ENTREP3: variants seen among roughly 807,000 people sequenced by gnomAD.
ENTREP3 encodes endosomal transmembrane epsin interactor 3, also known as protein ENTREP3.
chr1:155,250,080 C>CT, the ENTREP3 span, among the ~76,000 whole-genome samples: 4 of 151,950 alleles, frequency 2.6e-5, no homozygotes, highest in Middle Eastern at 3.2e-3. This position sits in a 1 kb window ranked among gnomAD's most constrained non-coding sequence, Gnocchi z 5.4. Flanking sequence ...AAAAATTCTC[C>CT]TTTTTTAGCT....
At chr1:155,254,731 G>C in the ENTREP3 span, 1 of 1,613,820 alleles carries the variant, frequency 6.2e-7, no homozygotes, top group Non-Finnish European at 8.5e-7. The surrounding 1 kb of genome is among the most constrained non-coding windows in gnomAD (Gnocchi z 4.4). Context: ...TGCTGAAGGT[G>C]ACCACCAGGA....
At chr1:155,251,545 G>C in the ENTREP3 span, 2 of 1,613,962 alleles carry the variant, frequency 1.2e-6, no homozygotes, top group Non-Finnish European at 1.7e-6. Context: ...ATAAGAAGGG[G>C]GGCAATCGGT....
the ENTREP3 span, chr1:155,253,882 C>G: frequency 1.2e-6 from 2 of 1,612,912 alleles, no homozygotes; most frequent in Non-Finnish European, 8.5e-7. Flanking sequence ...CGGGCTTCAT[C>G]ACAGGTGGAG....
chr1:155,250,216 G>A, the ENTREP3 span: 2 of 1,438,452 alleles, frequency 1.4e-6, no homozygotes, highest in Non-Finnish European at 1.9e-6. This position sits in a 1 kb window ranked among gnomAD's most constrained non-coding sequence, Gnocchi z 5.4. Flanking sequence ...GGCATCACTG[G>A]CCACCTAACT....
At chr1:155,253,547 G>T in the ENTREP3 span, 3 of 957,198 alleles carry the variant, frequency 3.1e-6, no homozygotes, top group Non-Finnish European at 4.9e-6. Context: ...TGTAGCCATT[G>T]TTCCCTCAGG....
At chr1:155,249,914 C>G in the ENTREP3 span, among the ~76,000 whole-genome samples, 6 of 149,410 alleles carry the variant, frequency 4.0e-5, no homozygotes, top group African/African-American at 1.5e-4. Context: ...AAATATTAGC[C>G]GGTCATGGTG....
the ENTREP3 span, chr1:155,253,999 G>T: frequency 2.0e-5 from 33 of 1,612,436 alleles, no homozygotes; most frequent in South Asian, 3.1e-4. Context: ...CAGGGAGGGT[G>T]AGGCAGCCTG....
chr1:155,248,179 G>A, the ENTREP3 span: 1 of 1,612,024 alleles, frequency 6.2e-7, no homozygotes, highest in Non-Finnish European at 8.5e-7. Context: ...CAGGTGCAGG[G>A]CCCGAGGGCA....
the ENTREP3 span, chr1:155,254,889 G>C: frequency 7.8e-6 from 12 of 1,547,356 alleles, no homozygotes; most frequent in South Asian, 1.2e-5. The surrounding 1 kb of genome is among the most constrained non-coding windows in gnomAD (Gnocchi z 4.4). Context: ...CCTGCTGCCC[G>C]GTTGCCTGCG....
chr1:155,254,748 G>A, the ENTREP3 span: 2 of 1,613,850 alleles, frequency 1.2e-6, no homozygotes, highest in African/African-American at 2.7e-5. The surrounding 1 kb of genome is among the most constrained non-coding windows in gnomAD (Gnocchi z 4.4). Context: ...AGGATGCCCA[G>A]GAGCACTTGG....
At chr1:155,248,436 T>C in the ENTREP3 span, 1 of 1,613,896 alleles carries the variant, frequency 6.2e-7, no homozygotes, top group Non-Finnish European at 8.5e-7. Flanking sequence ...AAGCAGCTTC[T>C]TCCTCAAGCA....
the ENTREP3 span, chr1:155,250,452 CG>C: frequency 9.1e-5 from 134 of 1,477,920 alleles, no homozygotes; most frequent in Non-Finnish European, 1.2e-4. This position sits in a 1 kb window ranked among gnomAD's most constrained non-coding sequence, Gnocchi z 5.4. Flanking sequence ...GCCCCCTCCC[CG>C]GGGGACCCGC....
the ENTREP3 span, chr1:155,250,709 C>T: frequency 6.2e-7 from 1 of 1,612,946 alleles, no homozygotes; most frequent in Non-Finnish European, 8.5e-7. This position sits in a 1 kb window ranked among gnomAD's most constrained non-coding sequence, Gnocchi z 5.4. Context: ...GAACGTAGTC[C>T]ACGGAGCGCA....
chr1:155,254,788 C>G, the ENTREP3 span: 3 of 1,613,558 alleles, frequency 1.9e-6, no homozygotes, highest in Admixed American at 3.3e-5. The surrounding 1 kb of genome is among the most constrained non-coding windows in gnomAD (Gnocchi z 4.4). Flanking sequence ...GGGCCTGCAG[C>G]CAGGGTCGGT....
the ENTREP3 span, among the ~76,000 whole-genome samples, chr1:155,248,981 G>T: frequency 6.6e-6 from 1 of 152,028 alleles, no homozygotes; most frequent in South Asian, 2.1e-4. Flanking sequence ...CTCCCAAAGT[G>T]CTGGGATTAT....
chr1:155,252,707 TATATATATATA>T, the ENTREP3 span: 6 of 54,114 alleles, frequency 1.1e-4, no homozygotes, highest in African/African-American at 1.9e-4. Context: ...TATATATATA[TATATATATATA>T]TATATTTTTT....
chr1:155,250,691 G>A, the ENTREP3 span: 5 of 1,612,644 alleles, frequency 3.1e-6, no homozygotes, highest in South Asian at 1.1e-5. This position sits in a 1 kb window ranked among gnomAD's most constrained non-coding sequence, Gnocchi z 5.4. Flanking sequence ...GCTGGATGGA[G>A]CGAAAGAGAA....
chr1:155,250,575 C>A, the ENTREP3 span: 1 of 1,600,772 alleles, frequency 6.2e-7, no homozygotes, highest in Non-Finnish European at 8.5e-7. This position sits in a 1 kb window ranked among gnomAD's most constrained non-coding sequence, Gnocchi z 5.4. Context: ...AGGGGCAGAG[C>A]AGGAATAGGA....
the ENTREP3 span, chr1:155,250,968 G>A: frequency 2.4e-6 from 3 of 1,234,460 alleles, no homozygotes; most frequent in Admixed American, 4.7e-5. This position sits in a 1 kb window ranked among gnomAD's most constrained non-coding sequence, Gnocchi z 5.4. Flanking sequence ...AGGGTTCCAA[G>A]TTGCCACAGC....
Sources: allele counts gnomAD v4.1 joint callset (sites outside exome capture counted in the v4.1 genomes callset), GRCh38; gene constraint gnomAD v4.1.1; non-coding constraint Gnocchi (gnomAD v3.1); transcripts MANE v1.5; gene names NCBI Gene and HGNC (gene_info 2026-07-23, HGNC 2026-07-21).